Variants in ZNF418 observed in about 807,000 individuals in gnomAD.
ZNF418 encodes the protein zinc finger protein 418.
A neutral mutation model predicts 32.0 loss-of-function variants in ZNF418; 32 were observed. That is an observed-to-expected ratio of 1.00 (90% CI 0.75 to 1.34). The LOEUF (loss-of-function observed/expected upper bound fraction) is 1.34. Ranked by LOEUF, ZNF418 falls within the 40% of genes most tolerant of loss-of-function variation. ZNF418 has a pLI of 0.00. For synonymous variants in ZNF418, 276 were observed against 270.7 expected, an observed-to-expected ratio of 1.02 and a Z score of -0.19; for missense variants, 804 against 812.5, an observed-to-expected ratio of 0.99 and a Z score of 0.13.
At chr19:57,928,140 C>A in intron 3 of ZNF418, 93 bp from the exon 4 acceptor site, 1 of 1,087,568 alleles carries the variant, frequency 9.2e-7, no homozygotes, top group East Asian at 2.4e-5. Flanking sequence ...AGGAATTACT[C>A]CATGGAAATA....
rs542344682 is a variant in ZNF418 at position 57,932,560 on chromosome 19, T to C, written c.6+1257A>G. ...TCCATGGCCCTATTCCACTTCTGTGTTGCACTTGGTGACCCCTCTACAATG... is the reference window on the plus strand; with the variant it reads ...TCCATGGCCCTATTCCACTTCTGTGCTGCACTTGGTGACCCCTCTACAATG... On this transcript the variant is annotated intron_variant, in intron 2 of 5. Transcript: ENST00000396147. The C allele has an allele frequency of 1.5e-3, 2,323 of 1,534,418 alleles. 53 individuals carry two copies. The South Asian group carries it at 0.026, about 17-fold the overall frequency.
rs1302491240 is a variant in ZNF418, at chr19:57,927,055, C to T, written c.1126G>A (p.Gly376Arg). ...SERPYECEEC[G>R]KCFSQKGTLT... is the part of the protein sequence containing the mutation. ...GTGCCCTTTTGACTAAAACATTTTCCACATTCTTCACACTCATAAGGTCTT... is the reference window on the plus strand; with the variant it reads ...GTGCCCTTTTGACTAAAACATTTTCTACATTCTTCACACTCATAAGGTCTT... The change falls in exon 4 of 6, where the codon GGA becomes AGA. Residue 376 changes from glycine (G) to arginine (R), a missense_variant. Physicochemically the swap from Gly to Arg is moderately radical, Grantham distance 125. This residue lies in a region of ZNF418 where 475 missense variants were observed against 458.6 expected (regional missense o/e 1.04). Transcript: ENST00000396147. 2.5e-6 allele frequency: 4 copies of T among 1,613,996 alleles called. No individual in the cohort carries two copies. The highest frequency in any genetic ancestry group is 2.2e-5 in the South Asian group (2 of 91,072).
At position 57,926,626 on chromosome 19, in the gene ZNF418, A is replaced by G. The variant is rs2072238706; in HGVS notation, c.1555T>C (p.Phe519Leu). The G allele has an allele frequency of 6.2e-7, 1 of 1,613,988 alleles. No individual in the cohort carries two copies. Among genetic ancestry groups the G allele is most frequent in the Admixed American group, 1.7e-5 (1 of 60,002 alleles). ...PFECSECGKS[F>L]PQSCSLLRHR... The stretch of plus-strand genomic sequence containing the variant: ...CGAAGGAGGGAACAGCTTTGAGGAA[A>G]TGACTTCCCACATTCACTACACTCA... Residue 519 changes from phenylalanine to leucine, a missense_variant, in exon 4 of 6, where the codon TTT becomes CTT. Around this residue, in one of 3 missense-constraint regions of ZNF418, gnomAD observed 475 missense variants for 458.6 expected, o/e 1.04. Transcript: ENST00000396147.
chr19:57,922,129 A>C lies in ZNF418; in HGVS notation c.*1126T>G, dbSNP rs1410224371. On this transcript the variant is annotated 3_prime_UTR_variant, in exon 6 of 6. Transcript: ENST00000396147. ...GCTGAACCAACACTCTTCTTAGACC[A>C]CAGGGTCATTCTTAGGGTGTGCTTG... 1 of 153,138 alleles carries C rather than the reference A, an allele frequency of 6.5e-6. No individual in the cohort carries two copies. The highest frequency in any genetic ancestry group is 1.5e-5 in the Non-Finnish European group (1 of 68,764). The allele number at this position is 153,138 out of a possible 1,614,324, so 9.5% of individuals were successfully genotyped here.
At chr19:57,934,017 A>C in intron 1 of ZNF418, 115 bp from the exon 2 acceptor site, 1 of 1,501,830 alleles carries the variant, frequency 6.7e-7, no homozygotes, top group South Asian at 1.3e-5. Context: ...GTTAACCTTC[A>C]AAGTATGTTT....
In ZNF418 at chr19:57,927,578, A is replaced by G; in HGVS notation, c.603T>C (p.Thr201=). The change falls in exon 4 of 6, where the codon ACT becomes ACC. Residue 201 remains threonine, a synonymous_variant. Coordinates refer to ENST00000396147, the MANE Select transcript of ZNF418 (RefSeq NM_133460.3). ...ECESPFQWGD[T]HYSCGECMKH... ...TCATGCATTCTCCACAGCTGTAATG[A>G]GTATCTCCCCACTGAAAGGGAGACT... 1 of 1,614,172 alleles carries G rather than the reference A, an allele frequency of 6.2e-7. No homozygotes were observed. The highest frequency in any genetic ancestry group is 2.2e-5 in the East Asian group (1 of 44,874).
Position 57,935,320 on chromosome 19 carries a change from T to C in ZNF418, c.-240A>G. Reference sequence around the variant, plus strand: ...AGACACCGCGGTTCGGACCCATAGCTCCAGCGCCTCTCACCTCACAAACCG... The same window carrying C: ...AGACACCGCGGTTCGGACCCATAGCCCCAGCGCCTCTCACCTCACAAACCG... On this transcript the variant is annotated 5_prime_UTR_variant, in exon 1 of 6. Transcript: ENST00000396147. 1 of 818,450 alleles carries C rather than the reference T, an allele frequency of 1.2e-6. No homozygotes were observed. The highest frequency in any genetic ancestry group is 1.5e-6 in the Non-Finnish European group (1 of 654,648). The allele number at this position is 818,450 out of a possible 1,614,324, so 50.7% of individuals were successfully genotyped here.
chr19:57,922,499 T>C lies in ZNF418; in HGVS notation c.*756A>G, dbSNP rs1399658760. ...CCACGGTGGCTCTTCTGTAAGGAAA[T>C]GCTTGAACCCAAAGAGAGAACATGC... On this transcript the variant is annotated 3_prime_UTR_variant, in exon 6 of 6. Coordinates refer to ENST00000396147, the MANE Select transcript of ZNF418 (RefSeq NM_133460.3). 5.0e-6 allele frequency: 2 copies of C among 398,216 alleles called. No individual in the cohort carries two copies. The highest frequency in any genetic ancestry group is 4.1e-5 in the African/African-American group (2 of 48,602). 24.7% of individuals were successfully genotyped at this position (398,216 alleles called of 1,614,324 possible).
intron 2 of ZNF418, among the ~76,000 whole-genome samples, chr19:57,931,017 C>A (rs1013526729): frequency 6.6e-6 from 1 of 151,902 alleles, no homozygotes; most frequent in African/African-American, 2.4e-5. Flanking sequence ...CCTCGTGATC[C>A]ACCCGCCTCA....
chr19:57,923,497 CAT>C (rs1326120209), intron 4 of ZNF418, among the ~76,000 whole-genome samples: 3 of 149,398 alleles, frequency 2.0e-5, no homozygotes, highest in African/African-American at 7.4e-5. Flanking sequence ...CATGTATATA[CAT>C]ATATACACAC....
At chr19:57,930,403 A>G in intron 3 of ZNF418, 25 bp downstream of exon 3, 1 of 1,613,930 alleles carries the variant, frequency 6.2e-7, no homozygotes, top group Non-Finnish European at 8.5e-7. Context: ...TATTCAGGAA[A>G]TAGGGTAGGG....
chr19:57,931,505 C>T (rs1182442758), intron 2 of ZNF418, among the ~76,000 whole-genome samples: 1 of 151,974 alleles, frequency 6.6e-6, no homozygotes, highest in Non-Finnish European at 1.5e-5. Context: ...CCCGGCCTTA[C>T]ACATCATTCT....
At chr19:57,932,453 T>A in intron 2 of ZNF418, 1 of 1,535,454 alleles carries the variant, frequency 6.5e-7, no homozygotes, top group Non-Finnish European at 8.7e-7. Flanking sequence ...TGGCTCCCAA[T>A]AGCAATGCAG....
chr19:57,934,841 G>A (rs2072629832), intron 1 of ZNF418: 2 of 345,206 alleles, frequency 5.8e-6, no homozygotes, highest in East Asian at 6.2e-5. Context: ...GGCTTCTAGC[G>A]TCTTCACAGC....
In ZNF418 at chr19:57,927,310, A is replaced by G. The variant is rs1261003768; in HGVS notation, c.871T>C (p.Cys291Arg). The G allele has an allele frequency of 1.2e-6, 2 of 1,614,124 alleles. No homozygotes were observed. Among genetic ancestry groups the G allele is most frequent in the East Asian group, 4.5e-5 (2 of 44,860 alleles). The change falls in exon 4 of 6, where the codon TGT becomes CGT. Residue 291 changes from cysteine to arginine, a missense_variant. Physicochemically the swap from Cys to Arg is radical, Grantham distance 180 (BLOSUM62 -3). Transcript: ENST00000396147. The part of the protein sequence containing the change: ...TGKRPYECGE[C>R]GKSFSHKGSL... ...CCCTTATGACTAAAAGATTTCCCAC[A>G]TTCTCCACATTCATAAGGTCTTTTC...
chr19:57,927,180 C>T lies in ZNF418; in HGVS notation c.1001G>A (p.Arg334Gln), dbSNP rs777297451. 8 of 1,614,050 alleles carry T rather than the reference C, an allele frequency of 5.0e-6. No individual in the cohort carries two copies. The highest frequency in any genetic ancestry group is 4.4e-5 in the South Asian group (4 of 91,082). Reference sequence around the variant, plus strand: ...ATAAGGTCTTTCTCCAGTGTGAACTCGTTGATGTTTAATGAGAGTACCATT... The same window carrying T: ...ATAAGGTCTTTCTCCAGTGTGAACTTGTTGATGTTTAATGAGAGTACCATT... ...SQNGTLIKHQ[R>Q]VHTGERPYEC... Residue 334 changes from arginine (R) to glutamine (Q), a missense_variant, in exon 4 of 6, where the codon CGA (arginine) becomes CAA (glutamine). Transcript: ENST00000396147.
rs889552742 is a variant in ZNF418 at position 57,933,798 on chromosome 19, A to G, written c.6+19T>C. 1 of 1,613,898 alleles carries G rather than the reference A, an allele frequency of 6.2e-7. No individual in the cohort carries two copies. The highest frequency in any genetic ancestry group is 8.5e-7 in the Non-Finnish European group (1 of 1,179,892). ...CAGCCACAGCTCCTTACTCATTAATATGGTCCAGTAACCCTCACCTGCATT... is the reference window on the plus strand; with the variant it reads ...CAGCCACAGCTCCTTACTCATTAATGTGGTCCAGTAACCCTCACCTGCATT... On this transcript the variant is annotated intron_variant, in intron 2 of 5. Coordinates refer to ENST00000396147, the MANE Select transcript of ZNF418 (RefSeq NM_133460.3).
chr19:57,932,323 C>T, intron 2 of ZNF418: 1 of 1,008,534 alleles, frequency 9.9e-7, no homozygotes, highest in Non-Finnish European at 1.5e-6. Context: ...TATCACCACA[C>T]ACCAACGTTG....
Position 57,926,749 on chromosome 19 carries a change from C to T in ZNF418, c.1432G>A (p.Gly478Arg). 1.2e-6 allele frequency: 2 copies of T among 1,614,118 alleles called. No individual in the cohort carries two copies. The highest frequency in any genetic ancestry group is 1.1e-5 in the South Asian group (1 of 91,084). ...TCATTACATTCATATGGCCTTTCTC[C>T]AGTGTGAACTCTCTGGTGTTCAATG... ...HLIEHQRVHT[G>R]ERPYECNECG... The change falls in exon 4 of 6, where the codon GGA becomes AGA. Residue 478 changes from glycine to arginine, a missense_variant. By Grantham distance (125) the Gly-to-Arg change is moderately radical. Around this residue, in one of 3 missense-constraint regions of ZNF418, gnomAD observed 475 missense variants for 458.6 expected, o/e 1.04. Transcript: ENST00000396147.
Sources: allele counts gnomAD v4.1 joint callset (sites outside exome capture counted in the v4.1 genomes callset), GRCh38; gene constraint gnomAD v4.1.1; regional missense constraint gnomAD v4.1.1; transcripts MANE v1.5; gene names NCBI Gene and HGNC (gene_info 2026-07-23, HGNC 2026-07-21).